Variants in SPTBN4 observed in about 807,000 individuals in gnomAD.
The protein encoded by SPTBN4 is spectrin beta chain, non-erythrocytic 4.
In SPTBN4, 96 loss-of-function variants were observed where a neutral mutation model predicts 277.8. That is an observed-to-expected ratio of 0.35 (90% CI 0.29 to 0.41). The LOEUF is 0.41. Among genes scored for constraint, SPTBN4 ranks in the 10% least tolerant of loss-of-function variants. The pLI, the probability that SPTBN4 is intolerant of heterozygous loss-of-function variation, is 1.00. For missense variants in SPTBN4, 3,006 were observed against 3,595.7 expected (o/e 0.84, Z 4.19); for synonymous variants, 1,481 against 1,580.3 (o/e 0.94, Z 1.49).
intron 3 of SPTBN4, among the ~76,000 whole-genome samples, chr19:40,489,616 C>T (rs2080113719): frequency 6.6e-6 from 1 of 152,080 alleles, no homozygotes; most frequent in South Asian, 2.1e-4. Flanking sequence ...TCGAACTCCT[C>T]GCCTCAAGTG....
chr19:40,547,411 T>G (rs1270123639), intron 20 of SPTBN4, among the ~76,000 whole-genome samples: 2 of 152,200 alleles, frequency 1.3e-5, no homozygotes, highest in African/African-American at 2.4e-5. Flanking sequence ...TGCCACATTT[T>G]CTTAATCCAG....
intron 27 of SPTBN4, among the ~76,000 whole-genome samples, chr19:40,565,029 C>G (rs1394581233): frequency 3.3e-5 from 5 of 151,992 alleles, no homozygotes; most frequent in Non-Finnish European, 7.4e-5. Context: ...CTTTGGGAGA[C>G]TGAGATGGGA....
chr19:40,512,758 G>C lies in SPTBN4; in HGVS notation c.1969G>C (p.Glu657Gln), dbSNP rs906438900. 2.6e-6 allele frequency: 4 copies of C among 1,511,650 alleles called. No individual in the cohort carries two copies. Among genetic ancestry groups the C allele is most frequent in the Non-Finnish European group, 3.5e-6 (4 of 1,138,392 alleles). The allele number at this position is 1,511,650 out of a possible 1,614,324, so 93.6% of individuals were successfully genotyped here. ...GCTGCTGCAGGAGCTGGAGGAGGCC[G>C]AGAGCTGGGCGCGCGACAAGGAGCG... ...WALLQELEEAESWARDKERLL... is the reference protein window; with the variant it reads ...WALLQELEEAQSWARDKERLL... The change falls in exon 14 of 36, where the codon GAG becomes CAG. Residue 657 changes from glutamate (E) to glutamine (Q), a missense_variant. By Grantham distance (29) the Glu-to-Gln change is conservative. Around this residue, in one of 5 missense-constraint regions of SPTBN4, gnomAD observed 1,759 missense variants for 2,061.5 expected, o/e 0.85. Transcript: ENST00000598249.
chr19:40,556,129 G>A lies in SPTBN4; in HGVS notation c.5130G>A (p.Val1710=), dbSNP rs1168360929. 7 of 1,612,662 alleles carry A rather than the reference G, an allele frequency of 4.3e-6. No homozygotes were observed. The Admixed American group carries it at 1.2e-4, about 27-fold the overall frequency. The change falls in exon 25 of 36, where the codon GTG becomes GTA. Residue 1710 remains valine (V), a synonymous_variant. Transcript: ENST00000598249. ...RRQSQVDRLY[V]ALKELGEERR... ...AGTCTCAGGTGGACCGCCTGTACGT[G>A]GCGCTCAAGGAGCTGGGTGAGGAGC... is the stretch of plus-strand genomic sequence containing the variant.
At chr19:40,551,128 G>C (rs1395625661) in intron 22 of SPTBN4, among the ~76,000 whole-genome samples, 1 of 152,176 alleles carries the variant, frequency 6.6e-6, no homozygotes, top group Non-Finnish European at 1.5e-5. Flanking sequence ...CTGAGATGGA[G>C]GCAAAGGGGG....
chr19:40,475,159 C>T (rs2079933264), intron 2 of SPTBN4, among the ~76,000 whole-genome samples: 2 of 152,074 alleles, frequency 1.3e-5, no homozygotes, highest in Admixed American at 6.6e-5. Flanking sequence ...TCATAGAGGT[C>T]TGGAACCTTA....
intron 2 of SPTBN4, among the ~76,000 whole-genome samples, chr19:40,473,806 C>G (rs1427608410): frequency 6.6e-6 from 1 of 151,836 alleles, no homozygotes. Context: ...CCATCAGATC[C>G]TTGGAACTTG....
Position 40,519,650 on chromosome 19 carries a change from C to A in SPTBN4, c.3153C>A (p.Arg1051=), listed in dbSNP as rs1273358904. The change falls in exon 16 of 36, where the codon CGC becomes CGA. Residue 1051 remains arginine, a synonymous_variant. Coordinates refer to ENST00000598249, the MANE Select transcript of SPTBN4 (RefSeq NM_020971.3). The surrounding 1 kb of genome is among the most constrained non-coding windows in gnomAD (Gnocchi z 5.7). The part of the protein sequence containing the change: ...LLEEAALLAE[R]FPAQAARLHQ... The stretch of plus-strand genomic sequence containing the variant: ...AGGAGGCAGCCCTGCTGGCTGAGCG[C>A]TTCCCGGCGCAGGCGGCGCGGCTGC... 7.1e-7 allele frequency: 1 copy of A among 1,400,692 alleles called. No homozygotes were observed. Among genetic ancestry groups the A allele is most frequent in the Non-Finnish European group, 9.2e-7 (1 of 1,089,242 alleles). The allele number at this position is 1,400,692 out of a possible 1,614,324, so 86.8% of individuals were successfully genotyped here.
chr19:40,516,680 C>T (rs537752753), intron 15 of SPTBN4, among the ~76,000 whole-genome samples: 104 of 152,090 alleles, frequency 6.8e-4, no homozygotes, highest in African/African-American at 2.4e-3. Context: ...AAAAATTATC[C>T]GGGCATGGTG....
At chr19:40,476,203 G>A (rs928560691) in intron 2 of SPTBN4, among the ~76,000 whole-genome samples, 1 of 151,918 alleles carries the variant, frequency 6.6e-6, no homozygotes, top group Non-Finnish European at 1.5e-5. Context: ...AAATTAGCTG[G>A]GTGTGGTGGC....
chr19:40,567,710 G>T lies in SPTBN4; in HGVS notation c.6384G>T (p.Leu2128=). The part of the protein sequence containing the change: ...AEQSKQPPTP[L]LGRKFFGDPT... ...AGAGCAAGCAGCCGCCTACCCCACT[G>T]CTGGGGCGCAAGTTCTTTGGGGACC... Residue 2128 remains leucine (L), a synonymous_variant, in exon 31 of 36, where the codon CTG becomes CTT. Transcript: ENST00000598249. 1.3e-6 allele frequency: 2 copies of T among 1,556,520 alleles called. No individual in the cohort carries two copies. The highest frequency in any genetic ancestry group is 1.7e-6 in the Non-Finnish European group (2 of 1,153,092).
Position 40,515,870 on chromosome 19 carries a change from GCGCA to G in SPTBN4, c.2903+424_2903+427del, listed in dbSNP as rs1475070506. Among the ~76,000 whole-genome samples the G allele has an allele frequency of 5.0e-4, 62 of 124,070 alleles. 3 individuals are homozygous for G. Among genetic ancestry groups the G allele is most frequent in the African/African-American group, 1.2e-3 (34 of 27,952 alleles). The allele number at this position is 124,070 out of a possible 152,430, so 81.4% of individuals were successfully genotyped here. Reference sequence around the variant, plus strand: ...AAACCCCGTCTCTCTCTCTACGTGCGCGCACACACACACACACACACACACACAC... The same window carrying G: ...AAACCCCGTCTCTCTCTCTACGTGCGCACACACACACACACACACACACAC... On this transcript the variant is annotated intron_variant, in intron 15 of 35. Coordinates refer to ENST00000598249, the MANE Select transcript of SPTBN4 (RefSeq NM_020971.3). The surrounding 1 kb of genome is among the most constrained non-coding windows in gnomAD (Gnocchi z 4.1).
chr19:40,570,712 C>T lies in SPTBN4; in HGVS notation c.7303C>T (p.Arg2435Cys), dbSNP rs777273785. The change falls in exon 33 of 36, where the codon CGC becomes TGC. Residue 2435 changes from arginine to cysteine, a missense_variant. Around this residue, in one of 5 missense-constraint regions of SPTBN4, gnomAD observed 630 missense variants for 677.6 expected, o/e 0.93. Transcript: ENST00000598249. ...GCGCAAGCGCGAGCTCGACGCTAACCGCAAGTCGTCCAACCGGTGAGCGTG... is the reference window on the plus strand; with the variant it reads ...GCGCAAGCGCGAGCTCGACGCTAACTGCAAGTCGTCCAACCGGTGAGCGTG... ...LLRKRELDAN[R>C]KSSNRSWVSL... The T allele has an allele frequency of 1.4e-5, 23 of 1,608,256 alleles. No homozygotes were observed. The Admixed American group carries it at 3.5e-4, about 25-fold the overall frequency.
At chr19:40,542,660 TG>T (rs1383163125) in intron 20 of SPTBN4, among the ~76,000 whole-genome samples, 1 of 113,896 alleles carries the variant, frequency 8.8e-6, no homozygotes, top group African/African-American at 3.5e-5. Flanking sequence ...TCCTCCCCCC[TG>T]TTCTGCTTCT....
Position 40,560,149 on chromosome 19 carries a change from T to C in SPTBN4, c.5671-10T>C. On this transcript the variant is annotated splice_polypyrimidine_tract_variant and intron_variant, in intron 26 of 35. Transcript: ENST00000598249. The surrounding 1 kb of genome is among the most constrained non-coding windows in gnomAD (Gnocchi z 5.2). ...TGGAGGGCTGGCGCCCGACCTGGCATGCCCTTCAGGTACGGCAGCTGCAGG... is the reference window on the plus strand; with the variant it reads ...TGGAGGGCTGGCGCCCGACCTGGCACGCCCTTCAGGTACGGCAGCTGCAGG... The C allele has an allele frequency of 1.9e-6, 3 of 1,587,812 alleles. No homozygotes were observed.
intron 11 of SPTBN4, 132 bp from the exon 12 acceptor site, chr19:40,503,698 C>A: frequency 9.9e-7 from 1 of 1,009,050 alleles, no homozygotes; most frequent in Non-Finnish European, 1.4e-6. Context: ...TGAGGCTGGT[C>A]TCCAGGATAA....
At chr19:40,558,366 A>AG in intron 26 of SPTBN4, among the ~76,000 whole-genome samples, 1 of 151,348 alleles carries the variant, frequency 6.6e-6, no homozygotes, top group South Asian at 2.1e-4. Context: ...CAAAAAAAAA[A>AG]AAGAACTTAG....
At chr19:40,470,072 C>T (rs2079867871) in intron 1 of SPTBN4, among the ~76,000 whole-genome samples, 2 of 152,106 alleles carry the variant, frequency 1.3e-5, no homozygotes, top group Non-Finnish European at 2.9e-5. Context: ...GATCTCAGCT[C>T]ACTGCAACCT....
At chr19:40,514,957 T>G (rs1677361215) in intron 14 of SPTBN4, among the ~76,000 whole-genome samples, 1 of 151,498 alleles carries the variant, frequency 6.6e-6, no homozygotes, top group Non-Finnish European at 1.5e-5. Context: ...ATAGAAAAGT[T>G]AGCTGGGCGT....
Sources: allele counts gnomAD v4.1 joint callset (sites outside exome capture counted in the v4.1 genomes callset), GRCh38; gene constraint gnomAD v4.1.1; regional missense constraint gnomAD v4.1.1; non-coding constraint Gnocchi (gnomAD v3.1); transcripts MANE v1.5; gene names NCBI Gene and HGNC (gene_info 2026-07-23, HGNC 2026-07-21).